SIPA1L2: variants seen among roughly 807,000 people sequenced by gnomAD.
SIPA1L2 encodes signal induced proliferation associated 1 like 2.
In SIPA1L2, 56 loss-of-function variants were observed where a neutral mutation model predicts 163.9. That is an observed-to-expected ratio of 0.34 (90% confidence interval 0.28 to 0.43). The LOEUF (loss-of-function observed/expected upper bound fraction) is 0.43, where lower values mean the gene tolerates loss of function less well. SIPA1L2 is among the 20% of genes least tolerant of loss of function. The pLI, the probability that SIPA1L2 is intolerant of heterozygous loss-of-function variation, is 1.00. For synonymous variants in SIPA1L2, 877 were observed against 865.7 expected, an observed-to-expected ratio of 1.01 and a Z score of -0.23; for missense variants, 1,974 against 2,193.5, an observed-to-expected ratio of 0.90 and a Z score of 2.00.
In SIPA1L2 at chr1:232,502,106, T is replaced by C. The variant is rs1035539029; in HGVS notation, c.1484-8446A>G. Among the ~76,000 whole-genome samples, 14 of 152,340 alleles carry C rather than the reference T, an allele frequency of 9.2e-5. No individual in the cohort carries two copies. In the East Asian group the frequency reaches 2.5e-3, roughly 27 times the overall value. Reference sequence around the variant, plus strand: ...TTATAATTATAAAAAGCTTACTTACTGGTTGCCTAATCTGGGCTTTGATAC... The same window carrying C: ...TTATAATTATAAAAAGCTTACTTACCGGTTGCCTAATCTGGGCTTTGATAC... On this transcript the variant is annotated intron_variant, in intron 3 of 22. Coordinates refer to ENST00000674635, the MANE Select transcript of SIPA1L2 (RefSeq NM_020808.5).
chr1:232,540,058 T>C (rs789634), intron 2 of SIPA1L2, among the ~76,000 whole-genome samples: 140,946 of 152,178 alleles, frequency 0.93, 65,805 homozygotes, highest in African/African-American at 0.99. Context: ...AATCCCAGCA[T>C]TTTGGGAGGC....
At chr1:232,626,896 A>G (rs1005660107) in intron 1 of SIPA1L2, among the ~76,000 whole-genome samples, 5 of 152,226 alleles carry the variant, frequency 3.3e-5, no homozygotes, top group African/African-American at 1.2e-4. Context: ...CAGGTGGTAG[A>G]GGCAGGAAGC....
Position 232,629,902 on chromosome 1 carries a change from C to T in SIPA1L2, c.-352G>A, listed in dbSNP as rs1339625930. Among the ~76,000 whole-genome samples the T allele has an allele frequency of 2.0e-5, 3 of 151,526 alleles. No individual in the cohort carries two copies. Among genetic ancestry groups the T allele is most frequent in the Non-Finnish European group, 4.4e-5 (3 of 67,724 alleles). ...CGCCGTCCGCCGGAACCTGCTACAG[C>T]CTGTGCGCGCCGGGCGGCGCGTACC... On this transcript the variant is annotated 5_prime_UTR_variant, in exon 1 of 23. Transcript: ENST00000674635.
rs573931843 is a variant in SIPA1L2, at chr1:232,439,486, T to C, written c.3653A>G (p.Lys1218Arg). Residue 1218 changes from lysine (K) to arginine (R), a missense_variant, in exon 15 of 23, where the codon AAA becomes AGA. Physicochemically the swap from Lys to Arg is conservative, Grantham distance 26. Coordinates refer to ENST00000674635, the MANE Select transcript of SIPA1L2 (RefSeq NM_020808.5). ...GCTGCTGGAGTGACTGGAGCAACTTTTATCCCCAATCTTCAGAAGAAAGAG... is the reference window on the plus strand; with the variant it reads ...GCTGCTGGAGTGACTGGAGCAACTTCTATCCCCAATCTTCAGAAGAAAGAG... The part of the protein sequence containing the change: ...SPNKLSHIGD[K>R]SCSSHSSSNT... 39 of 1,611,466 alleles carry C rather than the reference T, an allele frequency of 2.4e-5. No individual in the cohort carries two copies. Among genetic ancestry groups the C allele is most frequent in the Middle Eastern group, 3.3e-4 (2 of 6,060 alleles).
rs1437159873 is a variant in SIPA1L2, at chr1:232,579,419, A to T, written c.-318-5197T>A. Reference sequence around the variant, plus strand: ...TCTAGACACCAGCAAGGTCCAGTTCATGACCACATATCCAGGACTAAGCAC... The same window carrying T: ...TCTAGACACCAGCAAGGTCCAGTTCTTGACCACATATCCAGGACTAAGCAC... On this transcript the variant is annotated intron_variant, in intron 1 of 22. Coordinates refer to ENST00000674635, the MANE Select transcript of SIPA1L2 (RefSeq NM_020808.5). Among the ~76,000 whole-genome samples the T allele has an allele frequency of 2.0e-5, 3 of 152,218 alleles. No homozygotes were observed. The East Asian group carries it at 5.8e-4, about 29-fold the overall frequency.
intron 3 of SIPA1L2, among the ~76,000 whole-genome samples, chr1:232,498,569 C>T (rs1026612973): frequency 1.3e-5 from 2 of 152,202 alleles, no homozygotes; most frequent in African/African-American, 4.8e-5. Flanking sequence ...TTCCCCTGGG[C>T]AGCTCTAGAG....
intron 5 of SIPA1L2, among the ~76,000 whole-genome samples, chr1:232,488,820 T>G (rs1665778283): frequency 6.6e-6 from 1 of 152,218 alleles, no homozygotes; most frequent in African/African-American, 2.4e-5. Flanking sequence ...TTGCACTTGA[T>G]TCAGAAGACA....
At chr1:232,436,882 G>A (rs1212353791) in intron 15 of SIPA1L2, among the ~76,000 whole-genome samples, 3 of 152,154 alleles carry the variant, frequency 2.0e-5, no homozygotes, top group Non-Finnish European at 4.4e-5. Flanking sequence ...TTGAAATGTG[G>A]CTTCAAAAGC....
At chr1:232,519,278 T>C (rs1002644210) in intron 2 of SIPA1L2, among the ~76,000 whole-genome samples, 1 of 152,190 alleles carries the variant, frequency 6.6e-6, no homozygotes, top group African/African-American at 2.4e-5. Context: ...CCAAGGCCCA[T>C]TCCCAAACAT....
rs143470084 is a variant in SIPA1L2, at chr1:232,600,918, A to G, written c.-318-26696T>C. Among the ~76,000 whole-genome samples the G allele has an allele frequency of 2.4e-3, 361 of 152,330 alleles. 3 individuals carry two copies. The highest frequency in any genetic ancestry group is 7.2e-3 in the African/African-American group (298 of 41,564). ...TGTAGAATAACTGATAAAATCATGC[A>G]AGCTGCTATAAACAGTTACTGTGTC... On this transcript the variant is annotated intron_variant, in intron 1 of 22. Coordinates refer to ENST00000674635, the MANE Select transcript of SIPA1L2 (RefSeq NM_020808.5).
Position 232,564,134 on chromosome 1 carries a change from GTT to G in SIPA1L2, c.-270+10038_-270+10039del, listed in dbSNP as rs368352108. On this transcript the variant is annotated intron_variant, in intron 2 of 22. Transcript: ENST00000674635. ...TTGGCCAGACTGAACGACGAAGGTTGTTTTTTTTTTTTTTCGTGTGTGTGTGT... is the reference window on the plus strand; with the variant it reads ...TTGGCCAGACTGAACGACGAAGGTTGTTTTTTTTTTTTCGTGTGTGTGTGT... Among the ~76,000 whole-genome samples, 49 of 52,998 alleles carry G rather than the reference GTT, an allele frequency of 9.2e-4. 2 individuals are homozygous for G. Among genetic ancestry groups the G allele is most frequent in the East Asian group, 4.1e-3 (7 of 1,688 alleles). 34.8% of individuals were successfully genotyped at this position (52,998 alleles called of 152,430 possible). A position where few individuals can be genotyped will look rare whatever the true frequency, so the allele number is the denominator to read the frequency against.
At chr1:232,479,536 C>A in intron 7 of SIPA1L2, 91 bp downstream of exon 7, 1 of 1,000,264 alleles carries the variant, frequency 1.0e-6, no homozygotes, top group Non-Finnish European at 1.6e-6. Context: ...CTCACTGATT[C>A]TTTGCAAGTT....
intron 2 of SIPA1L2, among the ~76,000 whole-genome samples, chr1:232,551,857 GAGA>G (rs777594351): frequency 7.9e-5 from 12 of 152,202 alleles, no homozygotes; most frequent in Non-Finnish European, 8.8e-5. Flanking sequence ...TTTTCCCCAT[GAGA>G]AGAAGTCTCG....
intron 18 of SIPA1L2, among the ~76,000 whole-genome samples, chr1:232,418,230 T>C (rs1661372531): frequency 6.6e-6 from 1 of 152,094 alleles, no homozygotes; most frequent in South Asian, 2.1e-4. Context: ...AATAACACAG[T>C]AGACAAGAGG....
At chr1:232,478,999 T>C (rs1385477319) in intron 7 of SIPA1L2, among the ~76,000 whole-genome samples, 1 of 152,002 alleles carries the variant, frequency 6.6e-6, no homozygotes. Context: ...TAGCGTAAGA[T>C]AAAAATGGCC....
intron 2 of SIPA1L2, among the ~76,000 whole-genome samples, chr1:232,534,885 T>C (rs1657208642): frequency 6.6e-6 from 1 of 152,236 alleles, no homozygotes; most frequent in Admixed American, 6.5e-5. Flanking sequence ...CTTCCCTCGC[T>C]ATCTGAACAG....
chr1:232,502,683 T>C lies in SIPA1L2; in HGVS notation c.1484-9023A>G, dbSNP rs143387125. 1.7e-3 allele frequency among the ~76,000 whole-genome samples: 259 copies of C among 152,330 alleles called. 1 individual carries two copies. The highest frequency in any genetic ancestry group is 5.4e-3 in the African/African-American group (224 of 41,586). ...ATTGCGAACACAGAGATGAAGTTCC[T>C]GCTGTTTACAAGCATCACACCTGCA... On this transcript the variant is annotated intron_variant, in intron 3 of 22. Coordinates refer to ENST00000674635, the MANE Select transcript of SIPA1L2 (RefSeq NM_020808.5).
chr1:232,428,353 T>G, intron 17 of SIPA1L2, 58 bp downstream of exon 17: 4 of 791,046 alleles, frequency 5.1e-6, no homozygotes, highest in Non-Finnish European at 6.4e-6. Flanking sequence ...CTTTAGACTT[T>G]TTTTTTTTTT....
In SIPA1L2 at chr1:232,398,516, C is replaced by T. The variant is rs915324947; in HGVS notation, c.*611G>A. 2 of 151,110 alleles carry T rather than the reference C, an allele frequency of 1.3e-5. No homozygotes were observed. Among genetic ancestry groups the T allele is most frequent in the African/African-American group, 4.9e-5 (2 of 41,026 alleles). 9.4% of individuals were successfully genotyped at this position (151,110 alleles called of 1,614,324 possible). On this transcript the variant is annotated 3_prime_UTR_variant, in exon 23 of 23. Transcript: ENST00000674635. ...TTTGTTCCTGCAAATAAATAAGTCTCTAAGGTAACTGCATCTGAACTAGTG... is the reference window on the plus strand; with the variant it reads ...TTTGTTCCTGCAAATAAATAAGTCTTTAAGGTAACTGCATCTGAACTAGTG...
Sources: allele counts gnomAD v4.1 joint callset (sites outside exome capture counted in the v4.1 genomes callset), GRCh38; gene constraint gnomAD v4.1.1; transcripts MANE v1.5; gene names NCBI Gene and HGNC (gene_info 2026-07-23, HGNC 2026-07-21).